JAG1: variants seen among roughly 807,000 people sequenced by gnomAD.
The protein encoded by JAG1 is protein jagged-1.
In JAG1, 23 loss-of-function variants were observed where a neutral mutation model predicts 148.7. The observed-to-expected ratio is 0.15, with a 90% CI of 0.11 to 0.22. JAG1 has a LOEUF of 0.22. Among genes scored for constraint, JAG1 ranks in the 10% least tolerant of loss-of-function variants. The pLI is 1.00. For synonymous variants in JAG1, 572 were observed against 598.3 expected (o/e 0.96, Z 0.64); for missense variants, 1,054 against 1,611.2 (o/e 0.65, Z 5.92).
intron 2 of JAG1, among the ~76,000 whole-genome samples, chr20:10,668,180 A>C: frequency 6.6e-6 from 1 of 151,518 alleles, no homozygotes; most frequent in South Asian, 2.1e-4. Context: ...GTCACAACAC[A>C]GCCACCCAGT....
In JAG1 at chr20:10,645,687, TG is replaced by T. The variant is rs2067304182; in HGVS notation, c.2000-219del. The T allele has an allele frequency of 4.8e-6, 3 of 625,360 alleles. No homozygotes were observed. Among genetic ancestry groups the T allele is most frequent in the Non-Finnish European group, 5.7e-6 (2 of 353,948 alleles). The allele number at this position is 625,360 out of a possible 1,614,324, so 38.7% of individuals were successfully genotyped here. ...TTAGGCAAGATGTGGGGTGGGCCTC[TG>T]GAAGTCCCATGGAAATGAAAGTAGA... is the stretch of plus-strand genomic sequence containing the variant. On this transcript the variant is annotated intron_variant, in intron 15 of 25. Coordinates refer to ENST00000254958, the MANE Select transcript of JAG1 (RefSeq NM_000214.3). The surrounding 1 kb of genome is among the most constrained non-coding windows in gnomAD (Gnocchi z 6.1).
At chr20:10,644,315 C>CACACGA in intron 19 of JAG1, 42 bp downstream of exon 19, 1 of 1,469,302 alleles carries the variant, frequency 6.8e-7, no homozygotes, top group Non-Finnish European at 9.5e-7. Context: ...CACACACACA[C>CACACGA]GATAGTGGAT....
In JAG1 at chr20:10,673,068, G is replaced by C. The variant is rs1170548325; in HGVS notation, c.82-62C>G. On this transcript the variant is annotated intron_variant, in intron 1 of 25. Transcript: ENST00000254958. The surrounding 1 kb of genome is among the most constrained non-coding windows in gnomAD (Gnocchi z 4.7). ...AAAGCTGTTTTCTTCGAGTATAGAG[G>C]TGGCGACTCCCTCCCACTCCCCGCC... The C allele has an allele frequency of 2.0e-6, 3 of 1,505,814 alleles. No homozygotes were observed. In the Admixed American group the frequency reaches 5.1e-5, roughly 26 times the overall value. The allele number at this position is 1,505,814 out of a possible 1,614,324, so 93.3% of individuals were successfully genotyped here.
intron 18 of JAG1, 61 bp from the exon 19 acceptor site, chr20:10,644,445 A>G: frequency 7.5e-7 from 1 of 1,335,928 alleles, no homozygotes; most frequent in Non-Finnish European, 1.1e-6. Flanking sequence ...CTTAGCCCTA[A>G]GTAAAACCAC....
Position 10,658,655 on chromosome 20 carries a change from C to A in JAG1, c.507G>T (p.Thr169=). The change falls in exon 4 of 26, where the codon ACG becomes ACT. Residue 169 remains threonine, a synonymous_variant. Transcript: ENST00000254958. ...GGGCAACGCCCGTGTTCTGCTTCAG[C>A]GTCTGCCACTGCCGGCTGGGGTTGA... ...GMINPSRQWQ[T]LKQNTGVAHF... 6.2e-7 allele frequency: 1 copy of A among 1,614,244 alleles called. No individual in the cohort carries two copies. Among genetic ancestry groups the A allele is most frequent in the Non-Finnish European group, 8.5e-7 (1 of 1,180,030 alleles).
At chr20:10,655,649 C>T (rs1212944096) in intron 5 of JAG1, among the ~76,000 whole-genome samples, 1 of 152,166 alleles carries the variant, frequency 6.6e-6, no homozygotes, top group East Asian at 1.9e-4. Context: ...TTTAGCGTTA[C>T]TCCTTAAAAT....
At chr20:10,663,243 C>A (rs1380521084) in intron 3 of JAG1, among the ~76,000 whole-genome samples, 1 of 152,088 alleles carries the variant, frequency 6.6e-6, no homozygotes, top group Non-Finnish European at 1.5e-5. Flanking sequence ...ACTCTGCTGG[C>A]AAAAAGGGAA....
intron 20 of JAG1, among the ~76,000 whole-genome samples, chr20:10,642,814 G>T (rs2067282330): frequency 6.6e-6 from 1 of 152,198 alleles, no homozygotes; most frequent in South Asian, 2.1e-4. Flanking sequence ...TTCTAACAGT[G>T]GAGAACCATT....
intron 3 of JAG1, among the ~76,000 whole-genome samples, chr20:10,661,197 C>T (rs2067414712): frequency 6.6e-6 from 1 of 152,126 alleles, no homozygotes; most frequent in South Asian, 2.1e-4. Context: ...ATAAACAGCA[C>T]CTAGGCTATA....
rs751809412 is a variant in JAG1 at position 10,641,234 on chromosome 20, G to A, written c.2927C>T (p.Thr976Met). 7.6e-5 allele frequency: 123 copies of A among 1,613,826 alleles called. No homozygotes were observed. Among genetic ancestry groups the A allele is most frequent in the East Asian group, 2.7e-4 (12 of 44,876 alleles). Residue 976 changes from threonine to methionine, a missense_variant, in exon 24 of 26, where the codon ACG becomes ATG. Transcript: ENST00000254958. ...CCTCAATTCACTGCAAATGTGCTCC[G>A]TAGTAAGACCCTAAAACGATTTTTA... ...NKEMMSPGLT[T>M]EHICSELRNL... is the part of the protein sequence containing the mutation.
chr20:10,650,080 G>C (rs910662716), intron 9 of JAG1, among the ~76,000 whole-genome samples, 167 bp downstream of exon 9: 1 of 152,168 alleles, frequency 6.6e-6, no homozygotes, highest in African/African-American at 2.4e-5. Flanking sequence ...TAGTCCATTT[G>C]CATTCAAGTT....
At chr20:10,646,798 C>A in intron 14 of JAG1, 141 bp downstream of exon 14, 1 of 867,408 alleles carries the variant, frequency 1.2e-6, no homozygotes, top group Admixed American at 1.7e-5. Flanking sequence ...GCACTCTAGC[C>A]TGGGCAACAA....
intron 4 of JAG1, among the ~76,000 whole-genome samples, chr20:10,658,036 T>C (rs1476056053): frequency 6.6e-6 from 1 of 152,142 alleles, no homozygotes; most frequent in Admixed American, 6.5e-5. Flanking sequence ...GGGAAAGAGC[T>C]GAGCAAGAAC....
chr20:10,652,441 C>A, intron 6 of JAG1, 27 bp downstream of exon 6: 1 of 1,613,638 alleles, frequency 6.2e-7, no homozygotes, highest in East Asian at 2.2e-5. Flanking sequence ...CAGATCCCAC[C>A]CTGGGTCTCA....
intron 3 of JAG1, among the ~76,000 whole-genome samples, chr20:10,661,036 T>C (rs1229941992): frequency 6.6e-6 from 1 of 152,200 alleles, no homozygotes; most frequent in East Asian, 1.9e-4. Flanking sequence ...CCTATTTATG[T>C]TTACATGTTT....
At chr20:10,662,937 A>G (rs778822649) in intron 3 of JAG1, among the ~76,000 whole-genome samples, 2 of 152,352 alleles carry the variant, frequency 1.3e-5, no homozygotes, top group African/African-American at 2.4e-5. Flanking sequence ...TGTGGCTCCA[A>G]GTAGCCCAAT....
At position 10,673,117 on chromosome 20, in the gene JAG1, G is replaced by T; in HGVS notation, c.82-111C>A. 3 of 1,018,860 alleles carry T rather than the reference G, an allele frequency of 2.9e-6. No individual in the cohort carries two copies. Among genetic ancestry groups the T allele is most frequent in the Non-Finnish European group, 4.4e-6 (3 of 674,226 alleles). 63.1% of individuals were successfully genotyped at this position (1,018,860 alleles called of 1,614,324 possible). On this transcript the variant is annotated intron_variant, in intron 1 of 25. Coordinates refer to ENST00000254958, the MANE Select transcript of JAG1 (RefSeq NM_000214.3). The surrounding 1 kb of genome is among the most constrained non-coding windows in gnomAD (Gnocchi z 4.7). ...CCCCGACGAGCCCTCCTCGCCGAGTGAAAATAATTTTGCGAAACTACGTTC... is the reference window on the plus strand; with the variant it reads ...CCCCGACGAGCCCTCCTCGCCGAGTTAAAATAATTTTGCGAAACTACGTTC...
At chr20:10,644,003 G>C in intron 19 of JAG1, 140 bp from the exon 20 acceptor site, 1 of 736,606 alleles carries the variant, frequency 1.4e-6, no homozygotes, top group South Asian at 1.5e-5. Flanking sequence ...AAAGAATACT[G>C]ATGCCTGGGT....
Position 10,645,806 on chromosome 20 carries a change from A to T in JAG1, c.1999+165T>A. The T allele has an allele frequency of 1.5e-6, 1 of 684,970 alleles. No homozygotes were observed. The highest frequency in any genetic ancestry group is 2.6e-6 in the Non-Finnish European group (1 of 379,074). The allele number at this position is 684,970 out of a possible 1,614,324, so 42.4% of individuals were successfully genotyped here. ...CTCCTCCCCATAAGCTATCATCAGG[A>T]CTCATAAATGCAAATGAGACACAAG... On this transcript the variant is annotated intron_variant, in intron 15 of 25. Transcript: ENST00000254958. This position sits in a 1 kb window ranked among gnomAD's most constrained non-coding sequence, Gnocchi z 6.1.
Sources: gnomAD v4.1 joint callset for allele counts (sites outside exome capture counted in the v4.1 genomes callset) on GRCh38, gnomAD v4.1.1 for gene constraint, Gnocchi (gnomAD v3.1) non-coding constraint, MANE v1.5 for transcripts, NCBI Gene and HGNC (gene_info 2026-07-23, HGNC 2026-07-21) for gene names.